Variants in IL1RL1 observed in about 807,000 individuals in gnomAD.
IL1RL1 encodes interleukin 1 receptor like 1.
In IL1RL1, 32 loss-of-function variants were observed where a neutral mutation model predicts 50.9. The observed-to-expected ratio is 0.63, with a 90% CI of 0.47 to 0.84. The LOEUF is 0.84. Among genes scored for constraint, IL1RL1 ranks in the 40% least tolerant of loss-of-function variants. The probability of loss-of-function intolerance (pLI) is 0.00; values close to 1 mark genes in which losing one functional copy is unlikely to be tolerated. For synonymous variants in IL1RL1, 275 were observed against 236.0 expected (o/e 1.17, Z -1.51); for missense variants, 773 against 662.9 (o/e 1.17, Z -1.82).
intron 1 of IL1RL1, chr2:102,313,555 A>G (rs1676583463): frequency 6.6e-6 from 1 of 152,172 alleles, no homozygotes; most frequent in African/African-American, 2.4e-5. Flanking sequence ...TTTTTCCTCT[A>G]GGAGAATTCT....
chr2:102,324,105 T>G (rs909089167), intron 1 of IL1RL1, among the ~76,000 whole-genome samples: 2 of 151,910 alleles, frequency 1.3e-5, no homozygotes, highest in African/African-American at 4.8e-5. Flanking sequence ...TTGTTTCCAG[T>G]ATTTGGCTAT....
chr2:102,352,152 T>A, downstream of IL1RL1: 1 of 479,332 alleles, frequency 2.1e-6, no homozygotes. Flanking sequence ...TCTTCCCTTT[T>A]CCCTTTTGCT....
chr2:102,342,916 AGGGAGGTCCTGGT>A (rs2104991530), intron 6 of IL1RL1, 107 bp from the exon 7 acceptor site: 1 of 861,466 alleles, frequency 1.2e-6, no homozygotes, highest in Admixed American at 2.3e-5. Flanking sequence ...GAGATGAGGG[AGGGAGGTCCTGGT>A]GGGGTGCATA....
chr2:102,343,285 G>A lies in IL1RL1; in HGVS notation c.840G>A (p.Leu280=). 1.2e-6 allele frequency: 2 copies of A among 1,614,202 alleles called. No individual in the cohort carries two copies. Among genetic ancestry groups the A allele is most frequent in the Non-Finnish European group, 1.7e-6 (2 of 1,180,032 alleles). ...EGQNQSFSNG[L]ACLDMVLRIA... Reference sequence around the variant, plus strand: ...GCTTTCTTAGTTTCAGCAATGGGCTGGCTTGTCTAGACATGGTTTTAAGAA... The same window carrying A: ...GCTTTCTTAGTTTCAGCAATGGGCTAGCTTGTCTAGACATGGTTTTAAGAA... The change falls in exon 8 of 11, where the codon CTG becomes CTA. Residue 280 remains leucine (L), a synonymous_variant. Coordinates refer to ENST00000233954, the MANE Select transcript of IL1RL1 (RefSeq NM_016232.5).
intron 1 of IL1RL1, chr2:102,337,025 T>C (rs1677350962): frequency 6.6e-6 from 1 of 152,224 alleles, no homozygotes; most frequent in African/African-American, 2.4e-5. Context: ...AAGCATTAGT[T>C]ATTAATCAGC....
chr2:102,322,549 A>C (rs1409767675), intron 1 of IL1RL1, among the ~76,000 whole-genome samples: 12 of 152,230 alleles, frequency 7.9e-5, no homozygotes, highest in African/African-American at 2.9e-4. Context: ...GTGTTGTGAC[A>C]GATCCCAGAA....
At chr2:102,315,218 T>G (rs941375830) in intron 1 of IL1RL1, among the ~76,000 whole-genome samples, 1 of 152,078 alleles carries the variant, frequency 6.6e-6, no homozygotes, top group African/African-American at 2.4e-5. Context: ...GTGTATGCCG[T>G]GGGGAAAAGG....
rs564169071 is a variant in IL1RL1 at position 102,336,639 on chromosome 2, G to A, written c.-149-1477G>A. ...CACTCCCCTTGAGGGAAGCTTCTTA[G>A]TCACACTCTCCTTCTCTTTCTCTGC... On this transcript the variant is annotated intron_variant, in intron 1 of 10. Transcript: ENST00000233954. Among the ~76,000 whole-genome samples, 10 of 151,810 alleles carry A rather than the reference G, an allele frequency of 6.6e-5. No homozygotes were observed. The East Asian group carries it at 1.9e-3, about 29-fold the overall frequency.
intron 1 of IL1RL1, among the ~76,000 whole-genome samples, chr2:102,320,100 G>A (rs1445659865): frequency 1.3e-5 from 2 of 152,190 alleles, no homozygotes; most frequent in African/African-American, 2.4e-5. Context: ...AGTGGGTTAG[G>A]TTTTGTCCTG....
intron 5 of IL1RL1, chr2:102,341,302 G>T (rs1274906063): frequency 8.0e-7 from 1 of 1,246,920 alleles, no homozygotes; most frequent in Non-Finnish European, 1.0e-6. Flanking sequence ...CATAAATGTT[G>T]TCGAGTGGTT....
intron 1 of IL1RL1, among the ~76,000 whole-genome samples, chr2:102,316,123 A>G (rs558922618): frequency 7.2e-5 from 11 of 152,300 alleles, no homozygotes; most frequent in African/African-American, 2.6e-4. Flanking sequence ...AAGCATTCTT[A>G]AATCTGATAT....
chr2:102,342,966 T>C, intron 6 of IL1RL1, 70 bp from the exon 7 acceptor site: 1 of 1,489,190 alleles, frequency 6.7e-7, no homozygotes, highest in Non-Finnish European at 9.2e-7. Context: ...GTTTTTTTTT[T>C]ACATTAAATG....
intron 4 of IL1RL1, 89 bp downstream of exon 4, chr2:102,340,361 C>A: frequency 8.5e-7 from 1 of 1,170,370 alleles, no homozygotes; most frequent in Non-Finnish European, 1.2e-6. Flanking sequence ...GCCTGTAATC[C>A]TAGCACTTTG....
At chr2:102,327,348 T>G (rs1444444203) in intron 1 of IL1RL1, among the ~76,000 whole-genome samples, 1 of 151,160 alleles carries the variant, frequency 6.6e-6, no homozygotes, top group Non-Finnish European at 1.5e-5. Flanking sequence ...GGGACATATT[T>G]AAAGCAGTGT....
intron 6 of IL1RL1, 149 bp downstream of exon 6, chr2:102,342,443 C>T (rs969824313): frequency 3.3e-6 from 2 of 607,364 alleles, no homozygotes; most frequent in African/African-American, 3.7e-5. Context: ...GCACCTGCCC[C>T]AAGCATTTGC....
chr2:102,352,005 G>C lies in IL1RL1; in HGVS notation c.*84G>C, dbSNP rs1376836551. 3 of 1,294,640 alleles carry C rather than the reference G, an allele frequency of 2.3e-6. No homozygotes were observed. The East Asian group carries it at 6.9e-5, about 30-fold the overall frequency. The allele number at this position is 1,294,640 out of a possible 1,614,324, so 80.2% of individuals were successfully genotyped here. A position where few individuals can be genotyped will look rare whatever the true frequency, so the allele number is the denominator to read the frequency against. On this transcript the variant is annotated 3_prime_UTR_variant, in exon 11 of 11. Coordinates refer to ENST00000233954, the MANE Select transcript of IL1RL1 (RefSeq NM_016232.5). ...GGCTTATGCCCCTGCACTGAAGTGT[G>C]AGGAGCAGGAATATTAAAGGGATTC...
chr2:102,336,596 G>A (rs1321170851), intron 1 of IL1RL1, among the ~76,000 whole-genome samples: 1 of 152,096 alleles, frequency 6.6e-6, no homozygotes, highest in Non-Finnish European at 1.5e-5. Flanking sequence ...TAGAGTTCAG[G>A]GTTATGGTTT....
intron 1 of IL1RL1, among the ~76,000 whole-genome samples, chr2:102,318,230 A>T (rs1351295480): frequency 6.6e-6 from 1 of 152,090 alleles, no homozygotes; most frequent in Non-Finnish European, 1.5e-5. Flanking sequence ...CAGGCAAGAG[A>T]TGGTGGTGGC....
At chr2:102,344,843 A>G in intron 8 of IL1RL1, 1 of 958,580 alleles carries the variant, frequency 1.0e-6, no homozygotes, top group Non-Finnish European at 1.2e-6. Context: ...TTTCCTCATC[A>G]TTTGGAAAGT....
Sources: allele counts gnomAD v4.1 joint callset (sites outside exome capture counted in the v4.1 genomes callset), GRCh38; gene constraint gnomAD v4.1.1; transcripts MANE v1.5; gene names NCBI Gene and HGNC (gene_info 2026-07-23, HGNC 2026-07-21).